SPAG16: variants seen among roughly 807,000 people sequenced by gnomAD.
SPAG16 encodes sperm associated antigen 16, also known as sperm-associated antigen 16 protein.
SPAG16 carries 86 observed loss-of-function variants against 80.4 expected under a neutral mutation model. The observed-to-expected ratio is 1.07, with a 90% CI of 0.90 to 1.28. The LOEUF is 1.28. Among genes scored for constraint, SPAG16 ranks in the 50% most tolerant of loss-of-function variants. The pLI is 0.00. For missense variants in SPAG16, 870 were observed against 765.3 expected, an observed-to-expected ratio of 1.14 and a Z score of -1.61; for synonymous variants, 294 against 265.9, an observed-to-expected ratio of 1.11 and a Z score of -1.03.
chr2:213,548,635 A>G (rs1479376863), intron 10 of SPAG16, among the ~76,000 whole-genome samples: 3 of 152,170 alleles, frequency 2.0e-5, no homozygotes, highest in East Asian at 3.8e-4. Context: ...TTTAAAAGCT[A>G]CTATTTGTGC....
intron 10 of SPAG16, among the ~76,000 whole-genome samples, chr2:213,787,276 AAGAAGT>A (rs2070401547): frequency 6.6e-6 from 1 of 152,154 alleles, no homozygotes; most frequent in Non-Finnish European, 1.5e-5. Flanking sequence ...TCTGAGGATA[AAGAAGT>A]AGAAGTTGAT....
chr2:214,176,998 G>T (rs934472510), intron 15 of SPAG16, among the ~76,000 whole-genome samples: 17 of 150,318 alleles, frequency 1.1e-4, no homozygotes, highest in Admixed American at 1.0e-3. Flanking sequence ...AGTTATAATT[G>T]GGGAAAAACC....
At chr2:214,239,105 A>G (rs189129193) in intron 15 of SPAG16, 1 of 152,008 alleles carries the variant, frequency 6.6e-6, no homozygotes, top group Non-Finnish European at 1.5e-5. Flanking sequence ...GTCAGAGCAT[A>G]TTGCAGCCCC....
intron 15 of SPAG16, among the ~76,000 whole-genome samples, chr2:214,271,534 C>A (rs1392985259): frequency 6.6e-6 from 1 of 152,210 alleles, no homozygotes; most frequent in Non-Finnish European, 1.5e-5. Flanking sequence ...CGTGTGGTGG[C>A]TCATGCCTGT....
chr2:213,989,039 G>A (rs1361688616), intron 12 of SPAG16, among the ~76,000 whole-genome samples: 1 of 152,078 alleles, frequency 6.6e-6, no homozygotes, highest in African/African-American at 2.4e-5. Context: ...GCTTTGAACT[G>A]GATCTAGGTT....
intron 15 of SPAG16, among the ~76,000 whole-genome samples, chr2:214,177,941 A>AATTGTTAT (rs1314933716): frequency 8.9e-6 from 1 of 112,396 alleles, no homozygotes; most frequent in African/African-American, 3.6e-5. Flanking sequence ...ATATGGCCAG[A>AATTGTTAT]ATTGTTATAT....
intron 10 of SPAG16, among the ~76,000 whole-genome samples, chr2:213,828,146 G>A (rs1196415562): frequency 6.6e-6 from 1 of 151,942 alleles, no homozygotes; most frequent in African/African-American, 2.4e-5. Flanking sequence ...TTTAAAGCCA[G>A]TGACTTAGAT....
chr2:213,928,352 A>G (rs970716139), intron 11 of SPAG16, among the ~76,000 whole-genome samples: 9 of 151,152 alleles, frequency 6.0e-5, no homozygotes, highest in African/African-American at 1.9e-4. Context: ...TCGACCTCCC[A>G]AAGTGCTGGG....
intron 10 of SPAG16, among the ~76,000 whole-genome samples, chr2:213,669,638 A>G (rs985346796): frequency 1.3e-5 from 2 of 152,232 alleles, no homozygotes; most frequent in African/African-American, 2.4e-5. Flanking sequence ...ATAGGACAGT[A>G]TGAATTCTCA....
In SPAG16 at chr2:213,284,659, G is replaced by T. The variant is rs202107282; in HGVS notation, c.136+40G>T. The T allele has an allele frequency of 6.2e-5, 99 of 1,591,556 alleles. No individual in the cohort carries two copies. The African/African-American group carries it at 1.2e-3, about 19-fold the overall frequency. Reference sequence around the variant, plus strand: ...GAGGCGCGGCCCGCTGCGCTGGCGGGTAATGGGTGTTGGGACGAAGGCGAG... The same window carrying T: ...GAGGCGCGGCCCGCTGCGCTGGCGGTTAATGGGTGTTGGGACGAAGGCGAG... On this transcript the variant is annotated intron_variant, in intron 1 of 15. Coordinates refer to ENST00000331683, the MANE Select transcript of SPAG16 (RefSeq NM_024532.5).
At chr2:213,554,667 T>A (rs184251029) in intron 10 of SPAG16, among the ~76,000 whole-genome samples, 1 of 151,188 alleles carries the variant, frequency 6.6e-6, no homozygotes, top group African/African-American at 2.4e-5. Context: ...GAAATCAAAA[T>A]TATAAAAAAT....
intron 8 of SPAG16, among the ~76,000 whole-genome samples, chr2:213,374,224 C>G (rs1412305572): frequency 6.6e-6 from 1 of 152,134 alleles, no homozygotes; most frequent in East Asian, 1.9e-4. Flanking sequence ...TCTTCCCTGC[C>G]TTTATAATCT....
chr2:213,903,100 A>G (rs758234957), intron 11 of SPAG16, among the ~76,000 whole-genome samples: 4 of 152,122 alleles, frequency 2.6e-5, no homozygotes, highest in Non-Finnish European at 4.4e-5. Flanking sequence ...TTCACAGGCT[A>G]GCATTGAGTA....
intron 10 of SPAG16, among the ~76,000 whole-genome samples, chr2:213,539,536 C>CT (rs1191047128): frequency 6.6e-6 from 1 of 152,052 alleles, no homozygotes; most frequent in East Asian, 1.9e-4. Flanking sequence ...ATGTTTGTGT[C>CT]TTTGTACCCA....
chr2:213,808,679 G>A (rs2071927160), intron 10 of SPAG16, among the ~76,000 whole-genome samples: 2 of 152,160 alleles, frequency 1.3e-5, no homozygotes, highest in South Asian at 4.1e-4. Context: ...CAGGATCCAT[G>A]TAGTACTGTT....
At chr2:214,011,290 A>C (rs2047268393) in intron 12 of SPAG16, among the ~76,000 whole-genome samples, 1 of 146,386 alleles carries the variant, frequency 6.8e-6, no homozygotes, top group South Asian at 2.2e-4. Flanking sequence ...ATTCATTAAA[A>C]ATAGCAGGTA....
At chr2:213,521,293 A>G (rs548743709) in intron 10 of SPAG16, among the ~76,000 whole-genome samples, 11 of 152,310 alleles carry the variant, frequency 7.2e-5, no homozygotes, top group African/African-American at 2.4e-4. Flanking sequence ...CATTGGACAT[A>G]TGACAATTCA....
intron 10 of SPAG16, among the ~76,000 whole-genome samples, chr2:213,509,630 A>G (rs2075139169): frequency 6.6e-6 from 1 of 152,228 alleles, no homozygotes. Context: ...GAGAACAAAG[A>G]CACAACATAC....
At chr2:213,759,461 G>T (rs776529962) in intron 10 of SPAG16, among the ~76,000 whole-genome samples, 2 of 151,728 alleles carry the variant, frequency 1.3e-5, no homozygotes, top group Admixed American at 6.6e-5. Flanking sequence ...AATACATAAA[G>T]ATATAATTTT....
Sources: gnomAD v4.1 joint callset for allele counts (sites outside exome capture counted in the v4.1 genomes callset) on GRCh38, gnomAD v4.1.1 for gene constraint, MANE v1.5 for transcripts, NCBI Gene and HGNC (gene_info 2026-07-23, HGNC 2026-07-21) for gene names.